RBBP8: variants seen among roughly 807,000 people sequenced by gnomAD.
RBBP8 encodes RB binding protein 8, endonuclease.
In RBBP8, 88 loss-of-function variants were observed where a neutral mutation model predicts 108.3. That is an observed-to-expected ratio of 0.81 (90% CI 0.68 to 0.97). RBBP8 has a LOEUF of 0.97. RBBP8 is among the 50% of genes least tolerant of loss of function. The pLI, the probability that RBBP8 is intolerant of heterozygous loss-of-function variation, is 0.00. For synonymous variants in RBBP8, 332 were observed against 348.2 expected (o/e 0.95, Z 0.52); for missense variants, 1,023 against 1,049.0 (o/e 0.98, Z 0.34).
intron 4 of RBBP8, among the ~76,000 whole-genome samples, chr18:22,963,223 T>G (rs1443993408): frequency 6.6e-6 from 1 of 151,246 alleles, no homozygotes; most frequent in African/African-American, 2.4e-5. Context: ...GACTTAGGTG[T>G]TTTTTTTTCT....
intron 3 of RBBP8, among the ~76,000 whole-genome samples, chr18:22,918,198 T>C (rs1178868130): frequency 1.3e-5 from 2 of 152,216 alleles, no homozygotes; most frequent in Admixed American, 6.5e-5. Flanking sequence ...TCTGTACTAA[T>C]GGAAGAAAGC....
chr18:22,928,677 T>TC (rs950674459), upstream of RBBP8, among the ~76,000 whole-genome samples: 5 of 149,066 alleles, frequency 3.4e-5, no homozygotes, highest in African/African-American at 1.2e-4. Flanking sequence ...CTTTTTTTCT[T>TC]TTTTTTTTTT....
At chr18:22,923,237 A>G (rs1259446123) in intron 3 of RBBP8, among the ~76,000 whole-genome samples, 1 of 152,236 alleles carries the variant, frequency 6.6e-6, no homozygotes, top group African/African-American at 2.4e-5. Flanking sequence ...ATCAACAACC[A>G]AAGTACAGAG....
chr18:22,933,855 C>G (rs7227956), intron 1 of RBBP8: 103,311 of 152,066 alleles, frequency 0.68, 35,971 homozygotes, highest in Middle Eastern at 0.85. Flanking sequence ...GCGCGCGCTT[C>G]GGAGGTTTTT....
chr18:22,991,207 A>C lies in RBBP8; in HGVS notation c.920+158A>C, dbSNP rs184833787. Among the ~76,000 whole-genome samples, 343 of 152,278 alleles carry C rather than the reference A, an allele frequency of 2.3e-3. 1 individual carries two copies. Among genetic ancestry groups the C allele is most frequent in the Non-Finnish European group, 3.6e-3 (246 of 68,024 alleles). On this transcript the variant is annotated intron_variant, in intron 10 of 18. Coordinates refer to ENST00000327155, the MANE Select transcript of RBBP8 (RefSeq NM_002894.3). ...AAAATTGTCTCCCTAGTTTCTGACC[A>C]ATTGAGAGCTTTTTTGCATTACAGT...
chr18:22,941,804 T>C (rs930346059), intron 2 of RBBP8, among the ~76,000 whole-genome samples: 2 of 152,124 alleles, frequency 1.3e-5, no homozygotes, highest in Non-Finnish European at 2.9e-5. Flanking sequence ...ATGTGTTTTA[T>C]GAATATTAGG....
chr18:22,944,037 T>C (rs1196331735), intron 2 of RBBP8, among the ~76,000 whole-genome samples: 1 of 152,208 alleles, frequency 6.6e-6, no homozygotes, highest in Non-Finnish European at 1.5e-5. Context: ...CCCAGATACT[T>C]TGTTCAACAG....
At chr18:22,993,984 T>C in intron 12 of RBBP8, 137 bp downstream of exon 12, 1 of 816,646 alleles carries the variant, frequency 1.2e-6, no homozygotes, top group South Asian at 1.8e-5. Flanking sequence ...TATAGGACGA[T>C]TCTCACATTT....
chr18:23,017,787 C>G lies in RBBP8; in HGVS notation c.2454+863C>G, dbSNP rs144347682. Among the ~76,000 whole-genome samples the G allele has an allele frequency of 2.2e-3, 256 of 117,826 alleles. 1 individual carries two copies. Among genetic ancestry groups the G allele is most frequent in the African/African-American group, 8.8e-3 (242 of 27,604 alleles). The allele number at this position is 117,826 out of a possible 152,430, so 77.3% of individuals were successfully genotyped here. A position where few individuals can be genotyped will look rare whatever the true frequency, so the allele number is the denominator to read the frequency against. ...TTTGAGACGGAGTCTTGCCCTGTTG[C>G]CCAGGCTGGAATGTAGTGGCGTGAT... is the stretch of plus-strand genomic sequence containing the variant. On this transcript the variant is annotated intron_variant, in intron 17 of 18. Coordinates refer to ENST00000327155, the MANE Select transcript of RBBP8 (RefSeq NM_002894.3).
chr18:22,941,153 T>G (rs1235273518), intron 2 of RBBP8, among the ~76,000 whole-genome samples: 1 of 152,078 alleles, frequency 6.6e-6, no homozygotes, highest in Non-Finnish European at 1.5e-5. Flanking sequence ...GCAACTTTCT[T>G]GAAACTCTTG....
At chr18:23,006,500 C>T in intron 16 of RBBP8, 68 bp downstream of exon 16, 2 of 1,327,712 alleles carry the variant, frequency 1.5e-6, no homozygotes, top group Non-Finnish European at 2.2e-6. Flanking sequence ...TTATTTCTCT[C>T]TCTTTTTTCT....
In RBBP8 at chr18:23,022,656, A is replaced by AT. The variant is rs199563038; in HGVS notation, c.2596+386_2596+387insT. ...ATAAAATAAATAAAATACAATATAAAATAAAATAAAATAAATAACTGTATA... is the reference window on the plus strand; with the variant it reads ...ATAAAATAAATAAAATACAATATAAATATAAAATAAAATAAATAACTGTATA... On this transcript the variant is annotated intron_variant, in intron 18 of 18. Transcript: ENST00000327155. Among the ~76,000 whole-genome samples, 366 of 72,408 alleles carry AT rather than the reference A, an allele frequency of 5.1e-3. 27 individuals are homozygous for AT. The highest frequency in any genetic ancestry group is 0.012 in the African/African-American group (353 of 29,948). The allele number at this position is 72,408 out of a possible 152,430, so 47.5% of individuals were successfully genotyped here.
intron 16 of RBBP8, among the ~76,000 whole-genome samples, chr18:23,007,476 G>C (rs577077397): frequency 6.6e-6 from 1 of 151,570 alleles, no homozygotes; most frequent in African/African-American, 2.4e-5. Flanking sequence ...AGGCCCAGGC[G>C]GGGGGATCAA....
chr18:22,914,529 G>T (rs184202710), intron 1 of RBBP8, among the ~76,000 whole-genome samples: 2 of 152,246 alleles, frequency 1.3e-5, no homozygotes, highest in Admixed American at 6.5e-5. Context: ...TCTGTAAGTT[G>T]TGCATGGCTA....
At chr18:22,989,471 T>A (rs1915537589) in intron 9 of RBBP8, among the ~76,000 whole-genome samples, 153 bp downstream of exon 9, 2 of 152,204 alleles carry the variant, frequency 1.3e-5, no homozygotes, top group African/African-American at 4.8e-5. Context: ...CTATTTCTGT[T>A]GTCCAGCCCA....
At chr18:22,980,061 C>G (rs927280665) in intron 6 of RBBP8, among the ~76,000 whole-genome samples, 1 of 152,032 alleles carries the variant, frequency 6.6e-6, no homozygotes, top group East Asian at 1.9e-4. Flanking sequence ...GCCTGGCCAA[C>G]GTGGTGAAAC....
At chr18:22,921,028 T>C (rs1258841460) in intron 3 of RBBP8, among the ~76,000 whole-genome samples, 1 of 152,186 alleles carries the variant, frequency 6.6e-6, no homozygotes, top group African/African-American at 2.4e-5. Flanking sequence ...CATCCATGCA[T>C]GCAAATTTTT....
intron 3 of RBBP8, among the ~76,000 whole-genome samples, chr18:22,923,653 A>G (rs1215544932): frequency 6.6e-6 from 1 of 151,936 alleles, no homozygotes; most frequent in Non-Finnish European, 1.5e-5. Context: ...CCAGCTCACG[A>G]CTCTTTCCAT....
intron 4 of RBBP8, among the ~76,000 whole-genome samples, chr18:22,961,958 A>G (rs1238776102): frequency 6.6e-6 from 1 of 152,234 alleles, no homozygotes; most frequent in Non-Finnish European, 1.5e-5. Context: ...CTAACTATCT[A>G]TTCAACATGT....
Sources: allele counts gnomAD v4.1 joint callset (sites outside exome capture counted in the v4.1 genomes callset), GRCh38; gene constraint gnomAD v4.1.1; transcripts MANE v1.5; gene names NCBI Gene and HGNC (gene_info 2026-07-23, HGNC 2026-07-21).